The following GLDC variants were observed in gnomAD, a reference collection of about 807,000 sequenced individuals.
The protein encoded by GLDC is glycine decarboxylase, also known as glycine dehydrogenase (decarboxylating), mitochondrial.
Under a neutral mutation model 121.3 loss-of-function variants are expected in GLDC, and 104 were observed. The observed-to-expected ratio is 0.86, with a 90% CI of 0.73 to 1.01. GLDC has a LOEUF of 1.01. Ranked by LOEUF, GLDC falls within the 50% of genes least tolerant of loss-of-function variation. The pLI is 0.00. For missense variants in GLDC, 1,429 were observed against 1,306.6 expected (o/e 1.09, Z -1.44); for synonymous variants, 546 against 480.6 (o/e 1.14, Z -1.78).
At chr9:6,606,718 A>G in intron 4 of GLDC, 49 bp from the exon 5 acceptor site, 1 of 1,036,666 alleles carries the variant, frequency 9.6e-7, no homozygotes, top group Non-Finnish European at 1.5e-6. Context: ...AATAAATAGG[A>G]CTATCTTCTA....
intron 4 of GLDC, 82 bp downstream of exon 4, chr9:6,610,110 T>A: frequency 2.8e-6 from 3 of 1,077,020 alleles, no homozygotes; most frequent in Non-Finnish European, 4.2e-6. Context: ...TAAAGTAATA[T>A]TCACAATATA....
chr9:6,606,541 G>C, intron 5 of GLDC, 51 bp downstream of exon 5: 1 of 1,026,882 alleles, frequency 9.7e-7, no homozygotes, highest in Non-Finnish European at 1.6e-6. Context: ...AGAAACAGCA[G>C]AGATGAACAT....
At chr9:6,623,675 G>C (rs954678862) in intron 2 of GLDC, among the ~76,000 whole-genome samples, 1 of 152,132 alleles carries the variant, frequency 6.6e-6, no homozygotes, top group Non-Finnish European at 1.5e-5. Flanking sequence ...AGGAAAGAGA[G>C]TCTTGAAGTT....
chr9:6,635,562 C>T (rs1260282879), intron 2 of GLDC, among the ~76,000 whole-genome samples: 1 of 151,926 alleles, frequency 6.6e-6, no homozygotes, highest in East Asian at 1.9e-4. Context: ...CAGTGCAAGA[C>T]CCTGTCTCTA....
intron 2 of GLDC, among the ~76,000 whole-genome samples, chr9:6,633,991 A>G (rs975509192): frequency 6.6e-6 from 1 of 151,204 alleles, no homozygotes; most frequent in Non-Finnish European, 1.5e-5. Context: ...CACCAGGCCC[A>G]GCTAATTTTT....
chr9:6,640,358 G>A (rs1201836906), intron 2 of GLDC, among the ~76,000 whole-genome samples: 1 of 152,262 alleles, frequency 6.6e-6, no homozygotes, highest in Non-Finnish European at 1.5e-5. Context: ...ACCTGGCAAT[G>A]GGCATCATCT....
intron 2 of GLDC, among the ~76,000 whole-genome samples, chr9:6,634,638 A>G (rs534412147): frequency 2.0e-5 from 3 of 152,180 alleles, no homozygotes; most frequent in East Asian, 3.9e-4. Context: ...ATGCAGACTC[A>G]TTCATTCTCT....
At chr9:6,583,660 A>C (rs1036852352) in intron 15 of GLDC, among the ~76,000 whole-genome samples, 20 of 152,322 alleles carry the variant, frequency 1.3e-4, no homozygotes, top group African/African-American at 4.6e-4. Context: ...TGAGCAAAAG[A>C]ATGAGACCCT....
intron 2 of GLDC, among the ~76,000 whole-genome samples, chr9:6,626,431 C>T (rs537052797): frequency 7.2e-5 from 11 of 152,156 alleles, no homozygotes; most frequent in African/African-American, 2.7e-4. Flanking sequence ...GGGAGTATTG[C>T]GGAAGATAAA....
At chr9:6,601,811 C>T (rs1818617027) in intron 8 of GLDC, among the ~76,000 whole-genome samples, 1 of 152,052 alleles carries the variant, frequency 6.6e-6, no homozygotes, top group Non-Finnish European at 1.5e-5. Context: ...TTTTATTTTT[C>T]ATAGAGATGG....
At chr9:6,606,325 AAAAAG>A (rs61693883) in intron 5 of GLDC, among the ~76,000 whole-genome samples, 23,255 of 126,222 alleles carry the variant, frequency 0.18, 1,409 homozygotes, top group Admixed American at 0.23. Flanking sequence ...AAAAAAAAAA[AAAAAG>A]AAGAAGAAGA....
At chr9:6,633,821 C>CTT (rs1156711956) in intron 2 of GLDC, among the ~76,000 whole-genome samples, 6,763 of 89,240 alleles carry the variant, frequency 0.076, 1,576 homozygotes, top group African/African-American at 0.24. Context: ...GCAGGAGAAT[C>CTT]TTTTTTTTTT....
At chr9:6,626,304 C>T (rs564221020) in intron 2 of GLDC, among the ~76,000 whole-genome samples, 2 of 152,258 alleles carry the variant, frequency 1.3e-5, no homozygotes, top group Admixed American at 6.5e-5. Context: ...GGGGGTGGGG[C>T]ACCACCCCAG....
intron 2 of GLDC, chr9:6,622,799 GC>G: frequency 4.4e-6 from 1 of 228,466 alleles, no homozygotes; most frequent in Non-Finnish European, 8.7e-6. Context: ...GAAGTGAGGA[GC>G]GCCTCTTCCG....
At chr9:6,611,341 A>G (rs1818847404) in intron 3 of GLDC, among the ~76,000 whole-genome samples, 1 of 152,184 alleles carries the variant, frequency 6.6e-6, no homozygotes, top group Admixed American at 6.5e-5. Flanking sequence ...GCGGATCACG[A>G]GGTCAGGAGA....
chr9:6,561,541 T>C (rs1301834050), intron 16 of GLDC, among the ~76,000 whole-genome samples: 1 of 151,950 alleles, frequency 6.6e-6, no homozygotes, highest in African/African-American at 2.4e-5. Context: ...CCCAGCTACT[T>C]GGGAGGCTGA....
At position 6,558,619 on chromosome 9, in the gene GLDC, C is replaced by A; in HGVS notation, c.1992G>T (p.Lys664Asn). 1 of 1,614,022 alleles carries A rather than the reference C, an allele frequency of 6.2e-7. No homozygotes were observed. Among genetic ancestry groups the A allele is most frequent in the Non-Finnish European group, 8.5e-7 (1 of 1,179,840 alleles). Residue 664 changes from lysine (K) to asparagine (N), a missense_variant, in exon 17 of 25, where the codon AAG (lysine) becomes AAT (asparagine). Transcript: ENST00000321612. Reference sequence around the variant, plus strand: ...ATTTATCCACCTCCACAGGCTGAATCTTCATGCCTGCCATGTGGGCACTTG... The same window carrying A: ...ATTTATCCACCTCCACAGGCTGAATATTCATGCCTGCCATGTGGGCACTTG... ...NPASAHMAGM[K>N]IQPVEVDKYG...
At chr9:6,584,945 A>C (rs899473366) in intron 15 of GLDC, 1 of 152,256 alleles carries the variant, frequency 6.6e-6, no homozygotes, top group Non-Finnish European at 1.5e-5. Flanking sequence ...AACACCAGGT[A>C]TGTAGGGAAA....
chr9:6,544,929 G>A (rs1817355448), intron 21 of GLDC, among the ~76,000 whole-genome samples: 1 of 152,000 alleles, frequency 6.6e-6, no homozygotes, highest in Admixed American at 6.6e-5. Context: ...GAGAAACACT[G>A]TCTCTACTAA....
Sources: allele counts gnomAD v4.1 joint callset (sites outside exome capture counted in the v4.1 genomes callset), GRCh38; gene constraint gnomAD v4.1.1; transcripts MANE v1.5; gene names NCBI Gene and HGNC (gene_info 2026-07-23, HGNC 2026-07-21).